The following LRRC66 variants were observed in gnomAD, a reference collection of about 807,000 sequenced individuals.
LRRC66 encodes leucine-rich repeat-containing protein 66.
Under a neutral mutation model 24.6 loss-of-function variants are expected in LRRC66, and 29 were observed. The ratio of observed to expected loss-of-function variants is 1.18; its 90% confidence interval spans 0.88 to 1.61. The LOEUF is 1.61. Among genes scored for constraint, LRRC66 ranks in the 40% most tolerant of loss-of-function variants. The pLI is 0.00. For missense variants in LRRC66, 1,124 were observed against 1,058.0 expected (o/e 1.06, Z -0.87); for synonymous variants, 411 against 397.6 (o/e 1.03, Z -0.40).
intron 2 of LRRC66, among the ~76,000 whole-genome samples, chr4:52,016,243 A>T (rs1736806417): frequency 6.6e-6 from 1 of 152,228 alleles, no homozygotes; most frequent in Non-Finnish European, 1.5e-5. Context: ...GAGCATGAAG[A>T]TAAAAACATG....
At chr4:52,018,145 A>G (rs948301379) in intron 1 of LRRC66, 2 of 985,456 alleles carry the variant, frequency 2.0e-6, no homozygotes, top group East Asian at 2.3e-4. Context: ...GACTAGAAGA[A>G]ATACAAGTTT....
In LRRC66 at chr4:52,015,199, T is replaced by TCCA. The variant is rs1343226707; in HGVS notation, c.496+1916_496+1918dup. Among the ~76,000 whole-genome samples, 3 of 152,172 alleles carry TCCA rather than the reference T, an allele frequency of 2.0e-5. No individual in the cohort carries two copies. In the East Asian group the frequency reaches 5.8e-4, roughly 29 times the overall value. On this transcript the variant is annotated intron_variant, in intron 2 of 4. Transcript: ENST00000682860. Reference sequence around the variant, plus strand: ...CTCTCCATTCACACAGAAAGTAGGCTCCACGTTCATTGTCCCAGGGAAGGC... The same window carrying TCCA: ...CTCTCCATTCACACAGAAAGTAGGCTCCACCACGTTCATTGTCCCAGGGAAGGC...
intron 2 of LRRC66, among the ~76,000 whole-genome samples, chr4:52,005,185 A>G (rs983830567): frequency 6.6e-6 from 1 of 152,218 alleles, no homozygotes; most frequent in Admixed American, 6.5e-5. Flanking sequence ...TAAAAATTCA[A>G]TAAAAATTTG....
intron 2 of LRRC66, among the ~76,000 whole-genome samples, chr4:52,004,833 A>T (rs777884860): frequency 1.3e-5 from 2 of 152,236 alleles, no homozygotes; most frequent in Non-Finnish European, 2.9e-5. Flanking sequence ...CGTCAGGACG[A>T]CGAATCAATC....
intron 1 of LRRC66, chr4:52,018,099 A>G (rs1736861252): frequency 1.0e-6 from 1 of 985,350 alleles, no homozygotes. Flanking sequence ...CTATGAGTAA[A>G]AAGTTTAACT....
chr4:52,020,099 G>C (rs534218804), intron 1 of LRRC66, among the ~76,000 whole-genome samples: 1 of 152,114 alleles, frequency 6.6e-6, no homozygotes, highest in Non-Finnish European at 1.5e-5. Context: ...GGAGGAAGCA[G>C]TTAGAAATAC....
chr4:51,997,834 TGCCA>T lies in LRRC66; in HGVS notation c.766_769del (p.Trp256SerfsTer29). 1 of 1,614,088 alleles carries T rather than the reference TGCCA, an allele frequency of 6.2e-7. No homozygotes were observed. Among genetic ancestry groups the T allele is most frequent in the Non-Finnish European group, 8.5e-7 (1 of 1,179,970 alleles). ...AAAGACTGCCACACTATCATCACAC[TGCCA>T]GTTATTATCAGCCAAGTCAACCACT... is the stretch of plus-strand genomic sequence containing the variant. On this transcript the variant is annotated frameshift_variant, in exon 4 of 5. Coordinates refer to ENST00000682860, the MANE Select transcript of LRRC66 (RefSeq NM_001024611.3). LOFTEE classifies it high-confidence loss of function.
rs1668004629 is a variant in LRRC66, at chr4:51,994,278, G to C, written c.*101C>G. On this transcript the variant is annotated 3_prime_UTR_variant, in exon 5 of 5. Coordinates refer to ENST00000682860, the MANE Select transcript of LRRC66 (RefSeq NM_001024611.3). ...TGTCCACTTGGTTGGAATTCATGTT[G>C]TCTCCTTCAGGATCTTGTTGTGAAG... 8.8e-7 allele frequency: 1 copy of C among 1,130,880 alleles called. No individual in the cohort carries two copies. The allele number at this position is 1,130,880 out of a possible 1,614,324, so 70.1% of individuals were successfully genotyped here.
intron 2 of LRRC66, among the ~76,000 whole-genome samples, chr4:52,007,126 A>G (rs560879998): frequency 6.6e-6 from 1 of 152,170 alleles, no homozygotes; most frequent in African/African-American, 2.4e-5. Context: ...GGAGTACTAG[A>G]GTCAGCGCTG....
At chr4:51,997,470 A>T (rs1736346575) in intron 4 of LRRC66, among the ~76,000 whole-genome samples, 10 of 152,170 alleles carry the variant, frequency 6.6e-5, no homozygotes, top group Admixed American at 6.5e-4. Flanking sequence ...TCAGAACAAA[A>T]CTCACTTCTA....
At position 51,994,583 on chromosome 4, in the gene LRRC66, G is replaced by A. The variant is rs772424599; in HGVS notation, c.2439C>T (p.Pro813=). 3 of 1,614,156 alleles carry A rather than the reference G, an allele frequency of 1.9e-6. No individual in the cohort carries two copies. The highest frequency in any genetic ancestry group is 1.6e-4 in the Middle Eastern group (1 of 6,062). The part of the protein sequence containing the change: ...SPWPRSPGNS[P]LGDEFPGMFT... ...ACATGCCCGGAAACTCATCCCCTAA[G>A]GGACTATTCCCTGGTGACCTGGGCC... The change falls in exon 5 of 5, where the codon CCC becomes CCT. Residue 813 remains proline (P), a synonymous_variant. Transcript: ENST00000682860.
At chr4:52,005,498 T>C (rs1736554993) in intron 2 of LRRC66, among the ~76,000 whole-genome samples, 1 of 151,418 alleles carries the variant, frequency 6.6e-6, no homozygotes, top group African/African-American at 2.4e-5. Flanking sequence ...GCCAGTAAGG[T>C]GGTGCTTGAG....
chr4:52,019,521 G>A (rs1323546104), intron 1 of LRRC66, among the ~76,000 whole-genome samples: 1 of 152,120 alleles, frequency 6.6e-6, no homozygotes, highest in African/African-American at 2.4e-5. Context: ...TTTCATACAA[G>A]GTCAATCCTC....
In LRRC66 at chr4:52,017,618, C is replaced by A. The variant is rs746193054; in HGVS notation, c.-5G>T. The stretch of plus-strand genomic sequence containing the variant: ...TCTGAAATAGAGGTTTTTCATAATG[C>A]CTGGAAAAAGGAAAATGAATTGACT... On this transcript the variant is annotated splice_region_variant and 5_prime_UTR_variant, in exon 2 of 5. Transcript: ENST00000682860. 5.2e-6 allele frequency: 8 copies of A among 1,530,658 alleles called. No homozygotes were observed. In the African/African-American group the frequency reaches 8.4e-5, roughly 16 times the overall value. The allele number at this position is 1,530,658 out of a possible 1,614,324, so 94.8% of individuals were successfully genotyped here.
In LRRC66 at chr4:52,003,150, A is replaced by C. The variant is rs1736493147; in HGVS notation, c.666+73T>G. The C allele has an allele frequency of 7.3e-6, 9 of 1,224,748 alleles. No homozygotes were observed. In the South Asian group the frequency reaches 1.2e-4, roughly 16 times the overall value. The allele number at this position is 1,224,748 out of a possible 1,614,324, so 75.9% of individuals were successfully genotyped here. ...ACTACTGGACATGAAGAAACTCTTC[A>C]ATAGAAATATGCTTCTAATGTAATT... On this transcript the variant is annotated intron_variant, in intron 3 of 4. Coordinates refer to ENST00000682860, the MANE Select transcript of LRRC66 (RefSeq NM_001024611.3).
At chr4:52,005,837 G>GA (rs1736569251) in intron 2 of LRRC66, among the ~76,000 whole-genome samples, 1 of 152,178 alleles carries the variant, frequency 6.6e-6, no homozygotes, top group Admixed American at 6.5e-5. Flanking sequence ...CTACAGCCAG[G>GA]AGGCATCCAA....
chr4:51,994,716 T>G lies in LRRC66; in HGVS notation c.2306A>C (p.Gln769Pro). 1 of 1,614,222 alleles carries G rather than the reference T, an allele frequency of 6.2e-7. No individual in the cohort carries two copies. Among genetic ancestry groups the G allele is most frequent in the Non-Finnish European group, 8.5e-7 (1 of 1,180,028 alleles). The change falls in exon 5 of 5, where the codon CAA becomes CCA. Residue 769 changes from glutamine to proline, a missense_variant. Transcript: ENST00000682860. ...GAGAGGTTTTTCAAAGGGATCTTCT[T>G]GATTCTTGCATTTCCCTGGAATTGT... is the stretch of plus-strand genomic sequence containing the variant. The part of the protein sequence containing the change: ...FQTIPGKCKN[Q>P]EDPFEKPLIS...
At position 51,995,301 on chromosome 4, in the gene LRRC66, T is replaced by C. The variant is rs765510792; in HGVS notation, c.1721A>G (p.Asn574Ser). Residue 574 changes from asparagine to serine, a missense_variant, in exon 5 of 5, where the codon AAT (asparagine) becomes AGT (serine). By Grantham distance (46) the Asn-to-Ser change is conservative (BLOSUM62 1). Transcript: ENST00000682860. Reference protein sequence around the residue: ...AVSGSSRYDSNELDPSLSGEI... With the variant: ...AVSGSSRYDSSELDPSLSGEI... ...TCCGGAGAGGGAAGGGTCTAATTCATTGGAATCATAACGGCTTGAGCCAGA... is the reference window on the plus strand; with the variant it reads ...TCCGGAGAGGGAAGGGTCTAATTCACTGGAATCATAACGGCTTGAGCCAGA... 11 of 1,614,050 alleles carry C rather than the reference T, an allele frequency of 6.8e-6. No homozygotes were observed. The highest frequency in any genetic ancestry group is 5.3e-5 in the African/African-American group (4 of 74,912).
At chr4:52,000,707 G>A (rs561476910) in intron 3 of LRRC66, among the ~76,000 whole-genome samples, 46 of 152,310 alleles carry the variant, frequency 3.0e-4, no homozygotes, top group Non-Finnish European at 5.7e-4. Flanking sequence ...AAGAAACTGA[G>A]CCCTTACTCC....
Sources: gnomAD v4.1 joint callset for allele counts (sites outside exome capture counted in the v4.1 genomes callset) on GRCh38, gnomAD v4.1.1 for gene constraint, MANE v1.5 for transcripts, NCBI Gene and HGNC (gene_info 2026-07-23, HGNC 2026-07-21) for gene names.